RASEF: variants seen among roughly 807,000 people sequenced by gnomAD.
The protein encoded by RASEF is RAS and EF-hand domain containing.
In RASEF, 68 loss-of-function variants were observed where a neutral mutation model predicts 90.1. That is an observed-to-expected ratio of 0.75 (90% CI 0.62 to 0.92). RASEF has a LOEUF of 0.92. Among genes scored for constraint, RASEF ranks in the 40% least tolerant of loss-of-function variants. RASEF has a pLI of 0.00. For synonymous variants in RASEF, 331 were observed against 345.2 expected (o/e 0.96, Z 0.46); for missense variants, 949 against 937.2 (o/e 1.01, Z -0.16).
At chr9:83,155,895 A>T in the RASEF span, among the ~76,000 whole-genome samples, 4 of 152,214 alleles carry the variant, frequency 2.6e-5, no homozygotes, top group Non-Finnish European at 5.9e-5. Flanking sequence ...AAATTCCAGG[A>T]CAGCAGTTTG....
chr9:83,075,997 G>A, the RASEF span, among the ~76,000 whole-genome samples: 2 of 151,808 alleles, frequency 1.3e-5, no homozygotes, highest in African/African-American at 4.8e-5. Context: ...GTGAAACCCC[G>A]CCTCTACTAA....
At chr9:83,106,036 A>C in the RASEF span, among the ~76,000 whole-genome samples, 1 of 152,244 alleles carries the variant, frequency 6.6e-6, no homozygotes, top group South Asian at 2.1e-4. Flanking sequence ...GGAATACCCA[A>C]AATATAAGTC....
chr9:83,018,458 T>C (rs1397994133), intron 3 of RASEF, among the ~76,000 whole-genome samples: 2 of 152,188 alleles, frequency 1.3e-5, no homozygotes, highest in Admixed American at 6.5e-5. Context: ...AAAGAAGACA[T>C]AGAGAGAGAA....
chr9:83,144,378 A>G, the RASEF span, among the ~76,000 whole-genome samples: 28 of 58,082 alleles, frequency 4.8e-4, no homozygotes, highest in South Asian at 3.9e-3. Flanking sequence ...AAAGAAAGAA[A>G]GAAAGAAAGA....
chr9:83,012,733 C>T lies in RASEF; in HGVS notation c.766-222G>A, dbSNP rs143145683. Among the ~76,000 whole-genome samples, 1,179 of 152,200 alleles carry T rather than the reference C, an allele frequency of 7.7e-3. 14 individuals carry two copies. Among genetic ancestry groups the T allele is most frequent in the African/African-American group, 0.027 (1,119 of 41,534 alleles). On this transcript the variant is annotated intron_variant, in intron 4 of 16. Transcript: ENST00000376447. Reference sequence around the variant, plus strand: ...AAAAGGGGTTTTGTTGTGAAATGAACTTTTTTGGAAACAGCTGAAAAGCCT... The same window carrying T: ...AAAAGGGGTTTTGTTGTGAAATGAATTTTTTTGGAAACAGCTGAAAAGCCT...
At chr9:83,207,171 C>T in the RASEF span, among the ~76,000 whole-genome samples, 5 of 139,690 alleles carry the variant, frequency 3.6e-5, no homozygotes, top group African/African-American at 6.7e-5. Context: ...GAGTCTATCA[C>T]GGACATTCTG....
chr9:82,994,434 C>T (rs1828873120), intron 14 of RASEF, among the ~76,000 whole-genome samples: 1 of 152,196 alleles, frequency 6.6e-6, no homozygotes, highest in African/African-American at 2.4e-5. Flanking sequence ...AAGAAAACCA[C>T]AGCCCACTTC....
At chr9:83,016,943 G>A (rs1307844580) in intron 3 of RASEF, among the ~76,000 whole-genome samples, 1 of 152,150 alleles carries the variant, frequency 6.6e-6, no homozygotes, top group East Asian at 1.9e-4. Flanking sequence ...AATAATCCAT[G>A]TGAAATGCTT....
chr9:83,111,714 A>G, the RASEF span, among the ~76,000 whole-genome samples: 1 of 152,108 alleles, frequency 6.6e-6, no homozygotes, highest in African/African-American at 2.4e-5. Flanking sequence ...TCCGAATATA[A>G]TATCTTAAGA....
At chr9:83,070,525 C>T in the RASEF span, among the ~76,000 whole-genome samples, 1 of 152,036 alleles carries the variant, frequency 6.6e-6, no homozygotes, top group Non-Finnish European at 1.5e-5. Context: ...ATTACATTGC[C>T]TGATAATAAA....
chr9:83,160,688 T>G, the RASEF span, among the ~76,000 whole-genome samples: 1 of 152,186 alleles, frequency 6.6e-6, no homozygotes, highest in East Asian at 1.9e-4. Context: ...CCCAAGATAA[T>G]GGGGAAAATG....
chr9:83,127,024 A>G, the RASEF span, among the ~76,000 whole-genome samples: 1 of 152,190 alleles, frequency 6.6e-6, no homozygotes, highest in Non-Finnish European at 1.5e-5. Context: ...AAGTGAATAA[A>G]ATATAATACA....
chr9:83,109,430 CT>C, the RASEF span, among the ~76,000 whole-genome samples: 1 of 152,210 alleles, frequency 6.6e-6, no homozygotes, highest in Non-Finnish European at 1.5e-5. Context: ...CAAAGGTCTA[CT>C]TGGTGGGAGG....
At chr9:83,076,165 A>T in the RASEF span, among the ~76,000 whole-genome samples, 1 of 139,020 alleles carries the variant, frequency 7.2e-6, no homozygotes, top group Non-Finnish European at 1.5e-5. Flanking sequence ...AGACTGTCTC[A>T]GAAAAAAAAA....
In RASEF at chr9:83,022,446, AC is replaced by A; in HGVS notation, c.579-21del. ...TGGGCTCTGAAATTCAAAAGGATGC[AC>A]ACCTTTTCATTATACTCTTGAACTT... On this transcript the variant is annotated intron_variant, in intron 2 of 16. Transcript: ENST00000376447. 2 of 1,539,044 alleles carry A rather than the reference AC, an allele frequency of 1.3e-6. No individual in the cohort carries two copies. Among genetic ancestry groups the A allele is most frequent in the Non-Finnish European group, 1.8e-6 (2 of 1,111,546 alleles).
chr9:83,167,677 C>G, the RASEF span, among the ~76,000 whole-genome samples: 11 of 152,208 alleles, frequency 7.2e-5, no homozygotes, highest in South Asian at 6.2e-4. Flanking sequence ...AATCCCATTC[C>G]TCACATTCCC....
chr9:83,067,105 C>T (rs554650484), upstream of RASEF, among the ~76,000 whole-genome samples: 28 of 152,050 alleles, frequency 1.8e-4, no homozygotes, highest in Non-Finnish European at 1.9e-4. Context: ...GTAATCCACC[C>T]TGTAAGATTT....
intron 3 of RASEF, among the ~76,000 whole-genome samples, chr9:83,019,320 C>T (rs1829401383): frequency 2.0e-5 from 3 of 151,440 alleles, no homozygotes; most frequent in Admixed American, 2.0e-4. Flanking sequence ...TAAGATACTT[C>T]AGCAAAAAAT....
chr9:83,018,102 A>G (rs1829376723), intron 3 of RASEF, among the ~76,000 whole-genome samples: 2 of 152,188 alleles, frequency 1.3e-5, no homozygotes. Flanking sequence ...ATCACATTCA[A>G]TGTTCTCATC....
Sources: allele counts gnomAD v4.1 joint callset (sites outside exome capture counted in the v4.1 genomes callset), GRCh38; gene constraint gnomAD v4.1.1; transcripts MANE v1.5; gene names NCBI Gene and HGNC (gene_info 2026-07-23, HGNC 2026-07-21).